Variants in KANSL1 observed in about 807,000 individuals in gnomAD.
KANSL1 encodes KAT8 regulatory NSL complex subunit 1.
KANSL1 carries 22 observed loss-of-function variants against 103.6 expected under a neutral mutation model. That is an observed-to-expected ratio of 0.21 (90% CI 0.15 to 0.30). KANSL1 has a LOEUF of 0.30. Among genes scored for constraint, KANSL1 ranks in the 10% least tolerant of loss-of-function variants. KANSL1 has a pLI of 1.00. For synonymous variants in KANSL1, 600 were observed against 527.6 expected (o/e 1.14, Z -1.88); for missense variants, 1,337 against 1,399.8 (o/e 0.96, Z 0.72).
At chr17:46,031,968 T>C (rs1373691820) in intron 14 of KANSL1, 79 bp downstream of exon 14, 3 of 1,595,866 alleles carry the variant, frequency 1.9e-6, no homozygotes, top group Non-Finnish European at 2.6e-6. Flanking sequence ...GATGGCTAGG[T>C]CCCTCTTCAG....
intron 7 of KANSL1, chr17:46,040,232 TTTTC>T (rs1262207873): frequency 2.8e-5 from 8 of 286,042 alleles, no homozygotes; most frequent in African/African-American, 1.3e-4. Context: ...AGCCTACTTC[TTTTC>T]TATCAATATA....
intron 2 of KANSL1, among the ~76,000 whole-genome samples, chr17:46,109,426 T>C (rs1167466889): frequency 6.6e-6 from 1 of 152,240 alleles, no homozygotes; most frequent in East Asian, 1.9e-4. Context: ...GTAAGATAGT[T>C]AAGTTTTATT....
chr17:46,148,269 C>A (rs548773389), intron 2 of KANSL1: 1 of 152,232 alleles, frequency 6.6e-6, no homozygotes, highest in Non-Finnish European at 1.5e-5. Context: ...AAGAGGGTCA[C>A]TCTCATGATT....
chr17:46,046,116 G>C (rs894887174), intron 7 of KANSL1: 2 of 152,148 alleles, frequency 1.3e-5, no homozygotes, highest in African/African-American at 4.8e-5. Flanking sequence ...TAAAAGGAAG[G>C]ACAGGCATCA....
chr17:46,138,768 T>C (rs369556312), intron 2 of KANSL1, among the ~76,000 whole-genome samples: 9 of 152,362 alleles, frequency 5.9e-5, no homozygotes, highest in East Asian at 5.8e-4. Flanking sequence ...ATTCCTCACC[T>C]GATCCAAGGG....
rs1436209120 is a variant in KANSL1 at position 46,064,062 on chromosome 17, A to C, written c.1848+2475T>G. Among the ~76,000 whole-genome samples the C allele has an allele frequency of 3.8e-5, 5 of 132,210 alleles. No homozygotes were observed. In the East Asian group the frequency reaches 6.9e-4, roughly 18 times the overall value. The allele number at this position is 132,210 out of a possible 152,430, so 86.7% of individuals were successfully genotyped here. A position where few individuals can be genotyped will look rare whatever the true frequency, so the allele number is the denominator to read the frequency against. ...GATATACGACTATTAGTAAAAAAAA[A>C]AAAAAAAAACAAAAAAAAACTGAGA... On this transcript the variant is annotated intron_variant, in intron 6 of 14. Coordinates refer to ENST00000432791, the MANE Select transcript of KANSL1 (RefSeq NM_015443.4).
chr17:46,116,887 A>T (rs1451364496), intron 2 of KANSL1, among the ~76,000 whole-genome samples: 6 of 152,236 alleles, frequency 3.9e-5, no homozygotes, highest in Non-Finnish European at 5.9e-5. Flanking sequence ...CTTCCAAAAG[A>T]GTGTTTGAAA....
intron 1 of KANSL1, among the ~76,000 whole-genome samples, chr17:46,199,758 A>G (rs1597954840): frequency 6.6e-6 from 1 of 152,370 alleles, no homozygotes; most frequent in African/African-American, 2.4e-5. Flanking sequence ...TGAGAACAAT[A>G]CTGTTGTAGG....
chr17:46,142,961 T>C (rs545899318), intron 2 of KANSL1, among the ~76,000 whole-genome samples: 31 of 152,346 alleles, frequency 2.0e-4, no homozygotes, highest in Non-Finnish European at 3.5e-4. Context: ...ATGAAAAGAA[T>C]AGTACAAGTA....
At chr17:46,146,125 C>G (rs62063214) in intron 2 of KANSL1, among the ~76,000 whole-genome samples, 17,173 of 150,138 alleles carry the variant, frequency 0.11, no homozygotes, top group Non-Finnish European at 0.17. Context: ...TGCCTCCATA[C>G]AACCCCTCAG....
chr17:46,200,242 A>G (rs2047753836), intron 1 of KANSL1, among the ~76,000 whole-genome samples: 1 of 152,246 alleles, frequency 6.6e-6, no homozygotes, highest in South Asian at 2.1e-4. Flanking sequence ...TTTATCAGAT[A>G]ATAAAGCTGA....
chr17:46,154,118 T>C (rs2147525009), intron 2 of KANSL1, among the ~76,000 whole-genome samples: 1 of 151,920 alleles, frequency 6.6e-6, no homozygotes, highest in Admixed American at 6.6e-5. Flanking sequence ...TTGGCAGGAG[T>C]GGGAGTACAA....
chr17:46,047,984 T>C (rs980780553), intron 7 of KANSL1, among the ~76,000 whole-genome samples: 1 of 149,558 alleles, frequency 6.7e-6, no homozygotes, highest in African/African-American at 2.5e-5. Context: ...CATGGCTCAC[T>C]GCGGCCAAGA....
At chr17:46,039,547 C>T (rs987049793) in intron 8 of KANSL1, 155 bp downstream of exon 8, 5 of 809,210 alleles carry the variant, frequency 6.2e-6, no homozygotes, top group African/African-American at 1.7e-5. Flanking sequence ...CTGAGAGCAT[C>T]CAAGACAAGC....
At chr17:46,133,209 G>C (rs2043953835) in intron 2 of KANSL1, among the ~76,000 whole-genome samples, 1 of 152,180 alleles carries the variant, frequency 6.6e-6, no homozygotes, top group Non-Finnish European at 1.5e-5. Context: ...TCAAATCCAA[G>C]TTGTATGTGA....
chr17:46,150,694 T>C (rs866434323), intron 2 of KANSL1, among the ~76,000 whole-genome samples: 3 of 152,148 alleles, frequency 2.0e-5, no homozygotes, highest in Admixed American at 6.5e-5. Context: ...TTAGTCTCCA[T>C]CTTATTACCC....
intron 2 of KANSL1, among the ~76,000 whole-genome samples, chr17:46,154,315 C>A (rs1361264914): frequency 6.6e-6 from 1 of 152,256 alleles, no homozygotes; most frequent in Non-Finnish European, 1.5e-5. Context: ...ATATTCCCCC[C>A]TCAGGGTTGC....
At chr17:46,081,564 T>A (rs1343361483) in intron 4 of KANSL1, among the ~76,000 whole-genome samples, 1 of 152,210 alleles carries the variant, frequency 6.6e-6, no homozygotes, top group Non-Finnish European at 1.5e-5. Flanking sequence ...AGGTGAGAGA[T>A]CTTTCCAAGA....
chr17:46,189,031 C>CAAAAAAAAAAAAAAAAAAA lies in KANSL1; in HGVS notation c.-90+3773_-90+3791dup, dbSNP rs57566816. 1.9e-4 allele frequency among the ~76,000 whole-genome samples: 12 copies of CAAAAAAAAAAAAAAAAAAA among 62,378 alleles called. 1 individual carries two copies. The highest frequency in any genetic ancestry group is 7.9e-4 in the South Asian group (1 of 1,270). 40.9% of individuals were successfully genotyped at this position (62,378 alleles called of 152,430 possible). On this transcript the variant is annotated intron_variant, in intron 1 of 14. Coordinates refer to ENST00000432791, the MANE Select transcript of KANSL1 (RefSeq NM_015443.4). ...CTGGGCAACAGAGCAAAGATTGTCT[C>CAAAAAAAAAAAAAAAAAAA]AAAAAAAAAAAAAAAAAAAAAAAAA... is the stretch of plus-strand genomic sequence containing the variant.
Sources: allele counts gnomAD v4.1 joint callset (sites outside exome capture counted in the v4.1 genomes callset), GRCh38; gene constraint gnomAD v4.1.1; transcripts MANE v1.5; gene names NCBI Gene and HGNC (gene_info 2026-07-23, HGNC 2026-07-21).